The following FAM221B variants were observed in gnomAD, a reference collection of about 807,000 sequenced individuals.
The protein encoded by FAM221B is protein FAM221B.
In FAM221B, 35 loss-of-function variants were observed where a neutral mutation model predicts 39.8. The ratio of observed to expected loss-of-function variants is 0.88; its 90% CI spans 0.67 to 1.17. The LOEUF (loss-of-function observed/expected upper bound fraction) is 1.17, where lower values mean the gene tolerates loss of function less well. FAM221B is among the 50% of genes most tolerant of loss of function. The probability of loss-of-function intolerance (pLI) is 0.00; values close to 1 mark genes in which losing one functional copy is unlikely to be tolerated. For missense variants in FAM221B, 479 were observed against 503.1 expected (o/e 0.95, Z 0.46); for synonymous variants, 158 against 178.1 (o/e 0.89, Z 0.90).
At position 35,825,591 on chromosome 9, in the gene FAM221B, G is replaced by A; in HGVS notation, c.571C>T (p.His191Tyr). 2.5e-6 allele frequency: 4 copies of A among 1,613,354 alleles called. No individual in the cohort carries two copies. The highest frequency in any genetic ancestry group is 3.4e-6 in the Non-Finnish European group (4 of 1,179,588). ...AGTTGGTGTCCAGGTTGGGCTGTGT[G>A]AGCAGTGCTGTCACTGGCATCTACT... is the stretch of plus-strand genomic sequence containing the variant. Reference protein sequence around the residue: ...KGVDASDSTAHTAQPGHQLGN... With the variant: ...KGVDASDSTAYTAQPGHQLGN... Residue 191 changes from histidine (H) to tyrosine (Y), a missense_variant, in exon 2 of 7, where the codon CAC (histidine) becomes TAC (tyrosine). Physicochemically the swap from His to Tyr is moderately conservative, Grantham distance 83. Coordinates refer to ENST00000423537, the MANE Select transcript of FAM221B (RefSeq NM_001012446.4). The surrounding 1 kb of genome is among the most constrained non-coding windows in gnomAD (Gnocchi z 4.2).
At chr9:35,823,207 C>CT (rs569699953) in intron 3 of FAM221B, among the ~76,000 whole-genome samples, 23 of 152,214 alleles carry the variant, frequency 1.5e-4, no homozygotes, top group Middle Eastern at 3.4e-3. Context: ...TAAGATGCCC[C>CT]TTTTTTTTCT....
chr9:35,819,417 T>C, intron 4 of FAM221B, 23 bp from the exon 5 acceptor site: 1 of 1,547,374 alleles, frequency 6.5e-7, no homozygotes, highest in South Asian at 1.2e-5. Flanking sequence ...GGATGGATGG[T>C]AGGGTTAATC....
In FAM221B at chr9:35,819,386, C is replaced by T; in HGVS notation, c.862G>A (p.Val288Met). The change falls in exon 5 of 7, where the codon GTG becomes ATG. Residue 288 changes from valine to methionine, a missense_variant. Coordinates refer to ENST00000423537, the MANE Select transcript of FAM221B (RefSeq NM_001012446.4). ...REHRIISDIS[V>M]PCKVSQCRCF... ...CGGCACTGGCTTACCTTGCAGGGCA[C>T]CGATATGTCTGTGGGATTGGGGATG... The T allele has an allele frequency of 6.4e-7, 1 of 1,551,432 alleles. No individual in the cohort carries two copies. Among genetic ancestry groups the T allele is most frequent in the Admixed American group, 2.0e-5 (1 of 50,998 alleles).
At chr9:35,826,646 G>A (rs1248739982) in intron 1 of FAM221B, 1 of 158,466 alleles carries the variant, frequency 6.3e-6, no homozygotes, top group Admixed American at 6.0e-5. Context: ...GCCTGGTTTT[G>A]TCTAGGCACC....
Position 35,819,265 on chromosome 9 carries a change from G to A in FAM221B, c.983C>T (p.Ala328Val). The A allele has an allele frequency of 6.4e-7, 1 of 1,551,736 alleles. No individual in the cohort carries two copies. Among genetic ancestry groups the A allele is most frequent in the Non-Finnish European group, 8.7e-7 (1 of 1,147,002 alleles). The change falls in exon 5 of 7, where the codon GCC becomes GTC. Residue 328 changes from alanine (A) to valine (V), a missense_variant. Ala to Val is a moderately conservative substitution (Grantham distance 64, BLOSUM62 0). Coordinates refer to ENST00000423537, the MANE Select transcript of FAM221B (RefSeq NM_001012446.4). ...RATFDPKAWR[A>V]QCRCKHSHEE... Reference sequence around the variant, plus strand: ...GTGGCTGTGTTTGCAGCGACATTGGGCCCTCCAGGCCTTGGGGTCAAAGGT... The same window carrying A: ...GTGGCTGTGTTTGCAGCGACATTGGACCCTCCAGGCCTTGGGGTCAAAGGT...
Position 35,826,022 on chromosome 9 carries a change from G to C in FAM221B, c.140C>G (p.Thr47Ser). 6.2e-7 allele frequency: 1 copy of C among 1,614,128 alleles called. No homozygotes were observed. Among genetic ancestry groups the C allele is most frequent in the Non-Finnish European group, 8.5e-7 (1 of 1,180,008 alleles). ...ESFLKPSTSE[T>S]PLEPHTSESP... ...TTCAGAGGTATGGGGCTCTAACGGG[G>C]TCTCAGAGGTGGAAGGCTTCAAGAA... is the stretch of plus-strand genomic sequence containing the variant. The change falls in exon 2 of 7, where the codon ACC (threonine) becomes AGC (serine). Residue 47 changes from threonine (T) to serine (S), a missense_variant. Coordinates refer to ENST00000423537, the MANE Select transcript of FAM221B (RefSeq NM_001012446.4).
chr9:35,819,687 T>C (rs1442399779), intron 4 of FAM221B, among the ~76,000 whole-genome samples: 1 of 152,116 alleles, frequency 6.6e-6, no homozygotes, highest in Admixed American at 6.5e-5. Flanking sequence ...ATTTATTTTT[T>C]AGTAGAGACG....
In FAM221B at chr9:35,820,750, G is replaced by A. The variant is rs966074349; in HGVS notation, c.743-750C>T. The stretch of plus-strand genomic sequence containing the variant: ...AGCAAGGAGGCGTGGAAAGGAAAGT[G>A]AGGCTAAGAAGTGTCCCTGAGAGTA... On this transcript the variant is annotated intron_variant, in intron 3 of 6. Transcript: ENST00000423537. Among the ~76,000 whole-genome samples, 17 of 152,206 alleles carry A rather than the reference G, an allele frequency of 1.1e-4. 1 individual carries two copies. The highest frequency in any genetic ancestry group is 3.1e-4 in the African/African-American group (13 of 41,446).
In FAM221B at chr9:35,828,724, G is replaced by T; in HGVS notation, c.-262C>A. The T allele has an allele frequency of 1.0e-6, 1 of 955,712 alleles. No homozygotes were observed. The highest frequency in any genetic ancestry group is 1.2e-6 in the Non-Finnish European group (1 of 803,076). The allele number at this position is 955,712 out of a possible 1,614,324, so 59.2% of individuals were successfully genotyped here. ...AGGGGTCTAGGGCCAATGAGGGAGG[G>T]TCTTGACTGAAGCCTCCGGAACCCG... On this transcript the variant is annotated 5_prime_UTR_variant, in exon 1 of 7. Transcript: ENST00000423537. The surrounding 1 kb of genome is among the most constrained non-coding windows in gnomAD (Gnocchi z 4.5).
chr9:35,825,975 A>G lies in FAM221B; in HGVS notation c.187T>C (p.Ser63Pro). 1 of 1,613,964 alleles carries G rather than the reference A, an allele frequency of 6.2e-7. No individual in the cohort carries two copies. Among genetic ancestry groups the G allele is most frequent in the Non-Finnish European group, 8.5e-7 (1 of 1,179,980 alleles). The change falls in exon 2 of 7, where the codon TCC becomes CCC. Residue 63 changes from serine to proline, a missense_variant. Physicochemically the swap from Ser to Pro is moderately conservative, Grantham distance 74. Coordinates refer to ENST00000423537, the MANE Select transcript of FAM221B (RefSeq NM_001012446.4). This position sits in a 1 kb window ranked among gnomAD's most constrained non-coding sequence, Gnocchi z 4.2. ...TSESPLVPSP[S>P]QIPLEAHSPE... ...GAATGGGCCTCTAAGGGGATCTGGG[A>G]AGGGGATGGCACCAAAGGGGATTCA...
intron 6 of FAM221B, 21 bp downstream of exon 6, chr9:35,818,868 CT>C (rs758565205): frequency 1.9e-5 from 30 of 1,551,070 alleles, no homozygotes; most frequent in Non-Finnish European, 2.6e-5. Context: ...GAATGGCCCC[CT>C]GTCCCAGGTT....
intron 1 of FAM221B, 140 bp from the exon 2 acceptor site, chr9:35,826,301 T>C (rs1206474594): frequency 2.9e-6 from 2 of 683,992 alleles, no homozygotes; most frequent in East Asian, 2.5e-5. Flanking sequence ...GGAAACAACA[T>C]GAACTCTGGG....
rs1188785649 is a variant in FAM221B, at chr9:35,819,507, T to C, written c.854-113A>G. On this transcript the variant is annotated intron_variant, in intron 4 of 6. Coordinates refer to ENST00000423537, the MANE Select transcript of FAM221B (RefSeq NM_001012446.4). ...ATGCACGCAGACATGCTTTTTTTTT[T>C]TTTGAGATGGAGTTTTGCTCTGTCG... The C allele has an allele frequency of 1.2e-5, 12 of 1,005,686 alleles. No homozygotes were observed. In the African/African-American group the frequency reaches 2.0e-4, roughly 16 times the overall value. 62.3% of individuals were successfully genotyped at this position (1,005,686 alleles called of 1,614,324 possible).
intron 4 of FAM221B, 146 bp from the exon 5 acceptor site, chr9:35,819,540 T>A (rs1202341435): frequency 4.1e-6 from 3 of 725,888 alleles, no homozygotes; most frequent in Non-Finnish European, 6.7e-6. Context: ...TCGCCCAGGC[T>A]GGAGTGCAGT....
chr9:35,825,138 G>A lies in FAM221B; in HGVS notation c.742+92C>T. The A allele has an allele frequency of 6.8e-7, 1 of 1,460,594 alleles. No homozygotes were observed. Among genetic ancestry groups the A allele is most frequent in the East Asian group, 2.3e-5 (1 of 43,068 alleles). 90.5% of individuals were successfully genotyped at this position (1,460,594 alleles called of 1,614,324 possible). A position where few individuals can be genotyped will look rare whatever the true frequency, so the allele number is the denominator to read the frequency against. ...GGTATAGCCATTTCCAAAAGGGGAA[G>A]CTATCTGCTGAATGTTCAGGTTCCC... On this transcript the variant is annotated intron_variant, in intron 3 of 6. Coordinates refer to ENST00000423537, the MANE Select transcript of FAM221B (RefSeq NM_001012446.4). This position sits in a 1 kb window ranked among gnomAD's most constrained non-coding sequence, Gnocchi z 4.2.
chr9:35,823,776 C>T (rs1289897045), intron 3 of FAM221B, among the ~76,000 whole-genome samples: 2 of 152,064 alleles, frequency 1.3e-5, no homozygotes, highest in African/African-American at 4.8e-5. Context: ...GTAATCTGCC[C>T]ACCTCAGCCT....
At chr9:35,823,283 G>T (rs891811730) in intron 3 of FAM221B, among the ~76,000 whole-genome samples, 1 of 152,118 alleles carries the variant, frequency 6.6e-6, no homozygotes, top group African/African-American at 2.4e-5. Flanking sequence ...AATTGTCCTT[G>T]TACTTATTGG....
Position 35,828,339 on chromosome 9 carries a change from ACT to A in FAM221B, c.-1+122_-1+123del, listed in dbSNP as rs1491254299. The A allele has an allele frequency of 0.18, 27,275 of 149,158 alleles. 3,969 individuals are homozygous for A. The highest frequency in any genetic ancestry group is 0.24 in the Non-Finnish European group (18,094 of 74,486). 9.2% of individuals were successfully genotyped at this position (149,158 alleles called of 1,614,324 possible). On this transcript the variant is annotated intron_variant, in intron 1 of 6. Transcript: ENST00000423537. This position sits in a 1 kb window ranked among gnomAD's most constrained non-coding sequence, Gnocchi z 4.5. Reference sequence around the variant, plus strand: ...AACAACAACAACAACAACAACTACTACTACTACTACTACTACTACTACTACTA... The same window carrying A: ...AACAACAACAACAACAACAACTACTAACTACTACTACTACTACTACTACTA...
At chr9:35,818,772 G>A (rs1588088714) in intron 6 of FAM221B, 118 bp downstream of exon 6, 19 of 1,371,508 alleles carry the variant, frequency 1.4e-5, no homozygotes, top group Non-Finnish European at 1.9e-5. Flanking sequence ...GTGGTGGGGA[G>A]GTGGGCTGAG....
Sources: gnomAD v4.1 joint callset for allele counts (sites outside exome capture counted in the v4.1 genomes callset) on GRCh38, gnomAD v4.1.1 for gene constraint, Gnocchi (gnomAD v3.1) non-coding constraint, MANE v1.5 for transcripts, NCBI Gene and HGNC (gene_info 2026-07-23, HGNC 2026-07-21) for gene names.